Variants in CARM1 observed in about 807,000 individuals in gnomAD.
CARM1 encodes coactivator associated arginine methyltransferase 1.
Under a neutral mutation model 72.7 loss-of-function variants are expected in CARM1, and 14 were observed. That is an observed-to-expected ratio of 0.19 (90% confidence interval 0.13 to 0.30). The LOEUF is 0.30. Ranked by LOEUF, CARM1 falls within the 10% of genes least tolerant of loss-of-function variation. The pLI is 1.00. For missense variants in CARM1, 432 were observed against 833.7 expected (o/e 0.52, Z 5.93); for synonymous variants, 333 against 345.5 (o/e 0.96, Z 0.40).
intron 6 of CARM1, 61 bp downstream of exon 6, chr19:10,914,115 C>T (rs2074176250): frequency 1.3e-6 from 2 of 1,485,250 alleles, no homozygotes; most frequent in Non-Finnish European, 1.8e-6. Context: ...GCCGCTGAGC[C>T]AGGCCATCAG....
At chr19:10,884,287 C>A (rs1238844928) in intron 1 of CARM1, among the ~76,000 whole-genome samples, 1 of 150,810 alleles carries the variant, frequency 6.6e-6, no homozygotes, top group Admixed American at 6.6e-5. Flanking sequence ...GTTGTGGTGA[C>A]CACAGATCAC....
chr19:10,889,057 T>A (rs1411385068), intron 1 of CARM1, among the ~76,000 whole-genome samples: 2 of 152,146 alleles, frequency 1.3e-5, no homozygotes, highest in Non-Finnish European at 2.9e-5. Context: ...GAGGTTTGGG[T>A]GTCCTCAGTT....
intron 1 of CARM1, among the ~76,000 whole-genome samples, chr19:10,873,315 T>G (rs1167035608): frequency 6.6e-6 from 1 of 152,068 alleles, no homozygotes; most frequent in East Asian, 1.9e-4. Flanking sequence ...TTAAAAAATT[T>G]TTTTAGGACC....
chr19:10,920,701 C>T lies in CARM1; in HGVS notation c.1377C>T (p.Thr459=), dbSNP rs138928546. ...GTATTGTGGCCCAGGTGGACCAGAC[C>T]GGCTCCAAGTCCAGTAACCTCCTGG... ...DISIVAQVDQ[T]GSKSSNLLDL... Residue 459 remains threonine, a synonymous_variant, in exon 12 of 16, where the codon ACC becomes ACT. Coordinates refer to ENST00000327064, the MANE Select transcript of CARM1 (RefSeq NM_199141.2). The surrounding 1 kb of genome is among the most constrained non-coding windows in gnomAD (Gnocchi z 5.3). 1.4e-5 allele frequency: 23 copies of T among 1,614,016 alleles called. No homozygotes were observed. Among genetic ancestry groups the T allele is most frequent in the African/African-American group, 9.3e-5 (7 of 74,904 alleles).
intron 1 of CARM1, among the ~76,000 whole-genome samples, chr19:10,892,918 A>G (rs2145204245): frequency 6.6e-6 from 1 of 152,062 alleles, no homozygotes; most frequent in Non-Finnish European, 1.5e-5. Context: ...ATTTTTCGGT[A>G]AAGATGGGGT....
chr19:10,912,435 G>T lies in CARM1; in HGVS notation c.669+141G>T, dbSNP rs2074158937. ...TGGTCTCTTTATTGTCCCCAAGACA[G>T]TCATTTCAGGGAGGGGCTTCAGGGC... On this transcript the variant is annotated intron_variant, in intron 5 of 15. Coordinates refer to ENST00000327064, the MANE Select transcript of CARM1 (RefSeq NM_199141.2). This position sits in a 1 kb window ranked among gnomAD's most constrained non-coding sequence, Gnocchi z 4.5. The T allele has an allele frequency of 1.7e-6, 1 of 603,636 alleles. No homozygotes were observed. The highest frequency in any genetic ancestry group is 1.8e-5 in the African/African-American group (1 of 54,338). The allele number at this position is 603,636 out of a possible 1,614,324, so 37.4% of individuals were successfully genotyped here.
At chr19:10,886,582 C>T (rs980942933) in intron 1 of CARM1, among the ~76,000 whole-genome samples, 7 of 151,662 alleles carry the variant, frequency 4.6e-5, no homozygotes, top group East Asian at 3.9e-4. Context: ...AATCCCAGCA[C>T]TTTGGGAGGC....
chr19:10,904,843 A>C, intron 1 of CARM1, 108 bp from the exon 2 acceptor site: 4 of 1,470,336 alleles, frequency 2.7e-6, no homozygotes, highest in Non-Finnish European at 3.7e-6. Context: ...ACTCTGGAAG[A>C]ATCTGGGGGC....
Position 10,920,796 on chromosome 19 carries a change from C to T in CARM1, c.1425-38C>T. On this transcript the variant is annotated intron_variant, in intron 12 of 15. Transcript: ENST00000327064. This position sits in a 1 kb window ranked among gnomAD's most constrained non-coding sequence, Gnocchi z 5.3. ...ACAGGGGGGCGCCCCGGCCCTGCAACCCCCTTGCCCCTGCCCATGGCTCTG... is the reference window on the plus strand; with the variant it reads ...ACAGGGGGGCGCCCCGGCCCTGCAATCCCCTTGCCCCTGCCCATGGCTCTG... The T allele has an allele frequency of 6.2e-7, 1 of 1,613,588 alleles. No homozygotes were observed. Among genetic ancestry groups the T allele is most frequent in the Non-Finnish European group, 8.5e-7 (1 of 1,179,500 alleles).
chr19:10,921,660 A>C lies in CARM1; in HGVS notation c.1730A>C (p.His577Pro). The C allele has an allele frequency of 6.2e-7, 1 of 1,613,522 alleles. No homozygotes were observed. Among genetic ancestry groups the C allele is most frequent in the Non-Finnish European group, 8.5e-7 (1 of 1,179,884 alleles). The change falls in exon 16 of 16, where the codon CAC becomes CCC. Residue 577 changes from histidine to proline, a missense_variant. By Grantham distance (77) the His-to-Pro change is moderately conservative. Coordinates refer to ENST00000327064, the MANE Select transcript of CARM1 (RefSeq NM_199141.2). ...AGTGGTGGTGGCAGCACGAGTGCCC[A>C]CTATGCAGTCAACAGCCAGTTCACC... ...QGSGGGSTSA[H>P]YAVNSQFTMG... is the part of the protein sequence containing the mutation.
At position 10,896,453 on chromosome 19, in the gene CARM1, C is replaced by T. The variant is rs2074024762; in HGVS notation, c.221-8498C>T. Among the ~76,000 whole-genome samples, 1 of 152,030 alleles carries T rather than the reference C, an allele frequency of 6.6e-6. No homozygotes were observed. Among genetic ancestry groups the T allele is most frequent in the African/African-American group, 2.4e-5 (1 of 41,382 alleles). ...CCCTCTTCCCCATCCCCATTGCCTC[C>T]TGCCTGGCCAGCCATAGCACTTGGC... On this transcript the variant is annotated intron_variant, in intron 1 of 15. Coordinates refer to ENST00000327064, the MANE Select transcript of CARM1 (RefSeq NM_199141.2). This position sits in a 1 kb window ranked among gnomAD's most constrained non-coding sequence, Gnocchi z 5.2.
chr19:10,914,187 C>T lies in CARM1; in HGVS notation c.847+133C>T, dbSNP rs149541322. ...TGTAGGGAAGCCTGGGCTTTTCCCC[C>T]GCTCCCACCCCAACCCCACTCCAGC... On this transcript the variant is annotated intron_variant, in intron 6 of 15. Coordinates refer to ENST00000327064, the MANE Select transcript of CARM1 (RefSeq NM_199141.2). 835 of 898,294 alleles carry T rather than the reference C, an allele frequency of 9.3e-4. 4 individuals carry two copies. In the African/African-American group the frequency reaches 0.012, roughly 13 times the overall value. 55.6% of individuals were successfully genotyped at this position (898,294 alleles called of 1,614,324 possible).
At position 10,913,867 on chromosome 19, in the gene CARM1, C is replaced by T; in HGVS notation, c.670-10C>T. The T allele has an allele frequency of 1.2e-6, 2 of 1,609,720 alleles. No individual in the cohort carries two copies. The highest frequency in any genetic ancestry group is 1.7e-6 in the Non-Finnish European group (2 of 1,177,740). On this transcript the variant is annotated splice_polypyrimidine_tract_variant and intron_variant, in intron 5 of 15. Coordinates refer to ENST00000327064, the MANE Select transcript of CARM1 (RefSeq NM_199141.2). ...CGCAGGGAAGCCCACATGGCCCTGC[C>T]CGCCTGCAGGTCTTGGTGAAGAGTA...
rs761317377 is a variant in CARM1, at chr19:10,916,363, G to T, written c.848-44G>T. ...TTGGAAGCTCTGCCAGGCAGTGTGG[G>T]ATGTGTCACCTGACGCCAGCACCCC... On this transcript the variant is annotated intron_variant, in intron 6 of 15. Coordinates refer to ENST00000327064, the MANE Select transcript of CARM1 (RefSeq NM_199141.2). The surrounding 1 kb of genome is among the most constrained non-coding windows in gnomAD (Gnocchi z 4.4). 19 of 1,339,196 alleles carry T rather than the reference G, an allele frequency of 1.4e-5. No individual in the cohort carries two copies. Among genetic ancestry groups the T allele is most frequent in the Non-Finnish European group, 1.6e-5 (15 of 932,482 alleles). The allele number at this position is 1,339,196 out of a possible 1,614,324, so 83.0% of individuals were successfully genotyped here.
At chr19:10,899,054 GGTTTGTCA>G (rs1328458981) in intron 1 of CARM1, among the ~76,000 whole-genome samples, 1 of 53,866 alleles carries the variant, frequency 1.9e-5, no homozygotes, top group African/African-American at 7.1e-5. Flanking sequence ...TTTTTTTTTT[GGTTTGTCA>G]GTATTTCCCA....
At chr19:10,872,530 G>A (rs1332211277) in intron 1 of CARM1, among the ~76,000 whole-genome samples, 1 of 152,148 alleles carries the variant, frequency 6.6e-6, no homozygotes, top group Non-Finnish European at 1.5e-5. Flanking sequence ...GGTGGGAGCC[G>A]CAGGGTGAGC....
In CARM1 at chr19:10,920,123, GGT is replaced by G. The variant is rs55667142; in HGVS notation, c.1196+176_1196+177del. Among the ~76,000 whole-genome samples, 134,604 of 150,004 alleles carry G rather than the reference GGT, an allele frequency of 0.9. 60,570 individuals are homozygous for G. The highest frequency in any genetic ancestry group is 0.97 in the African/African-American group (39,749 of 40,878). ...CGGAGCAAGAGACTGTTGTGGGTGG[GGT>G]GTGTGTGTGTGTGTGTGTATGTGTG... On this transcript the variant is annotated intron_variant, in intron 10 of 15. Transcript: ENST00000327064. The surrounding 1 kb of genome is among the most constrained non-coding windows in gnomAD (Gnocchi z 5.3).
In CARM1 at chr19:10,896,659, A is replaced by T. The variant is rs760838900; in HGVS notation, c.221-8292A>T. On this transcript the variant is annotated intron_variant, in intron 1 of 15. Transcript: ENST00000327064. This position sits in a 1 kb window ranked among gnomAD's most constrained non-coding sequence, Gnocchi z 5.2. ...CCAGTAGCCTCCCAGGGCTCACCACACTGTCTGGGCCACCCCTGTTTCCCT... is the reference window on the plus strand; with the variant it reads ...CCAGTAGCCTCCCAGGGCTCACCACTCTGTCTGGGCCACCCCTGTTTCCCT... Among the ~76,000 whole-genome samples, 25 of 151,678 alleles carry T rather than the reference A, an allele frequency of 1.6e-4. No individual in the cohort carries two copies. Among genetic ancestry groups the T allele is most frequent in the Non-Finnish European group, 2.8e-4 (19 of 67,884 alleles).
rs1555723467 is a variant in CARM1 at position 10,871,628 on chromosome 19, G to GGCGGCA, written c.-70_-69insAGCGGC. 3 of 138,886 alleles carry GGCGGCA rather than the reference G, an allele frequency of 2.2e-5. No individual in the cohort carries two copies. The highest frequency in any genetic ancestry group is 3.4e-5 in the Non-Finnish European group (3 of 88,192). The allele number at this position is 138,886 out of a possible 1,614,324, so 8.6% of individuals were successfully genotyped here. On this transcript the variant is annotated 5_prime_UTR_variant, in exon 1 of 16. Coordinates refer to ENST00000327064, the MANE Select transcript of CARM1 (RefSeq NM_199141.2). The surrounding 1 kb of genome is among the most constrained non-coding windows in gnomAD (Gnocchi z 5.6). ...CGGCGGCGGCGGCGGCGGCGGCGGC[G>GGCGGCA]GCGGCGGCGGCAGCGGCGGCGGCCT...
Sources: gnomAD v4.1 joint callset for allele counts (sites outside exome capture counted in the v4.1 genomes callset) on GRCh38, gnomAD v4.1.1 for gene constraint, Gnocchi (gnomAD v3.1) non-coding constraint, MANE v1.5 for transcripts, NCBI Gene and HGNC (gene_info 2026-07-23, HGNC 2026-07-21) for gene names.